Variants in DOCK3 observed in about 807,000 individuals in gnomAD.
DOCK3 encodes the protein dedicator of cytokinesis protein 3.
A neutral mutation model predicts 265.6 loss-of-function variants in DOCK3; 60 were observed. The observed-to-expected ratio is 0.23, with a 90% confidence interval of 0.18 to 0.28. The LOEUF is 0.28. Among genes scored for constraint, DOCK3 ranks in the 10% least tolerant of loss-of-function variants. The pLI, the probability that DOCK3 is intolerant of heterozygous loss-of-function variation, is 1.00. For missense variants in DOCK3, 1,981 were observed against 2,594.3 expected, an observed-to-expected ratio of 0.76 and a Z score of 5.14; for synonymous variants, 881 against 938.0, an observed-to-expected ratio of 0.94 and a Z score of 1.11.
intron 14 of DOCK3, among the ~76,000 whole-genome samples, chr3:51,224,736 A>ATT (rs56741807): frequency 2.1e-5 from 3 of 144,730 alleles, no homozygotes; most frequent in Non-Finnish European, 4.6e-5. Flanking sequence ...GCGTTTTACT[A>ATT]TTTTTTTTTT....
intron 25 of DOCK3, among the ~76,000 whole-genome samples, chr3:51,275,832 AAG>A (rs540825541): frequency 4.6e-5 from 7 of 152,314 alleles, no homozygotes; most frequent in East Asian, 3.9e-4. Flanking sequence ...GAGGTAGGGA[AAG>A]AGAGAAGGAA....
Position 51,147,027 on chromosome 3 carries a change from C to T in DOCK3, c.828+397C>T, listed in dbSNP as rs78942097. 4.5e-3 allele frequency among the ~76,000 whole-genome samples: 678 copies of T among 151,888 alleles called. 7 individuals carry two copies. Among genetic ancestry groups the T allele is most frequent in the African/African-American group, 0.015 (633 of 41,420 alleles). ...ACTTGGGGATGTGAGGCAAGAGGAC[C>T]GCCTGAGCCCAGGAGGTTGAAGCTG... On this transcript the variant is annotated intron_variant, in intron 10 of 52. Transcript: ENST00000266037.
chr3:51,151,114 G>A (rs1237404657), intron 10 of DOCK3, among the ~76,000 whole-genome samples: 1 of 151,852 alleles, frequency 6.6e-6, no homozygotes. Flanking sequence ...TGCCTTATCA[G>A]AGACTAGGAT....
chr3:51,354,739 G>C (rs2086246449), intron 40 of DOCK3, 143 bp from the exon 41 acceptor site: 1 of 1,269,900 alleles, frequency 7.9e-7, no homozygotes, highest in South Asian at 1.5e-5. Flanking sequence ...CTCCTTGAGT[G>C]CAATGCCCTG....
intron 32 of DOCK3, among the ~76,000 whole-genome samples, chr3:51,317,356 G>C (rs1474101227): frequency 6.6e-6 from 1 of 150,910 alleles, no homozygotes; most frequent in East Asian, 1.9e-4. Context: ...TGTATTCAAA[G>C]TTAGGAGGAG....
intron 5 of DOCK3, among the ~76,000 whole-genome samples, chr3:51,025,487 A>G (rs907653863): frequency 6.6e-6 from 1 of 152,024 alleles, no homozygotes; most frequent in Non-Finnish European, 1.5e-5. Flanking sequence ...GCCCCAGCCT[A>G]TAAGCTTCCC....
At chr3:50,918,249 C>A (rs532741631) in intron 4 of DOCK3, among the ~76,000 whole-genome samples, 6 of 152,240 alleles carry the variant, frequency 3.9e-5, no homozygotes, top group African/African-American at 1.2e-4. Context: ...TAGTAGCATG[C>A]TTTATAATCC....
intron 1 of DOCK3, among the ~76,000 whole-genome samples, chr3:50,747,370 T>C (rs2039513204): frequency 6.6e-6 from 1 of 152,322 alleles, no homozygotes; most frequent in African/African-American, 2.4e-5. Flanking sequence ...ATTGGGTTGA[T>C]TAAAATCTAT....
intron 1 of DOCK3, among the ~76,000 whole-genome samples, chr3:50,681,310 A>G (rs559760975): frequency 6.6e-6 from 1 of 152,282 alleles, no homozygotes; most frequent in Non-Finnish European, 1.5e-5. Flanking sequence ...TTCATAGCAT[A>G]TTTTTACATT....
intron 2 of DOCK3, among the ~76,000 whole-genome samples, chr3:50,814,440 T>G: frequency 6.6e-6 from 1 of 152,002 alleles, no homozygotes; most frequent in East Asian, 1.9e-4. Flanking sequence ...CTAATTTTTT[T>G]TTTTTGGTAG....
At chr3:50,932,929 G>C (rs958403767) in intron 4 of DOCK3, among the ~76,000 whole-genome samples, 1 of 152,176 alleles carries the variant, frequency 6.6e-6, no homozygotes, top group African/African-American at 2.4e-5. Context: ...ATAAAGAAGA[G>C]ATTTAATGGA....
intron 4 of DOCK3, among the ~76,000 whole-genome samples, chr3:50,894,675 A>G (rs1327453776): frequency 1.3e-5 from 2 of 152,172 alleles, no homozygotes; most frequent in Non-Finnish European, 2.9e-5. Context: ...TAGATGCACA[A>G]TATAAAATAT....
chr3:51,364,941 G>T (rs1296601648), intron 49 of DOCK3, among the ~76,000 whole-genome samples: 1 of 152,142 alleles, frequency 6.6e-6, no homozygotes, highest in Non-Finnish European at 1.5e-5. Flanking sequence ...TGTTCTTTTT[G>T]CTTAGGATTG....
At chr3:51,011,480 C>T (rs75776103) in intron 5 of DOCK3, among the ~76,000 whole-genome samples, 3,809 of 152,246 alleles carry the variant, frequency 0.025, 188 homozygotes, top group African/African-American at 0.087. Context: ...TCCATCAGGT[C>T]GTTTAAGGAT....
At chr3:50,922,299 C>A (rs1195263423) in intron 4 of DOCK3, among the ~76,000 whole-genome samples, 2 of 152,232 alleles carry the variant, frequency 1.3e-5, no homozygotes. Flanking sequence ...GCAGTTTGAT[C>A]TCAGACTGCT....
chr3:50,968,399 G>A (rs1171795780), intron 5 of DOCK3, among the ~76,000 whole-genome samples: 1 of 152,160 alleles, frequency 6.6e-6, no homozygotes, highest in Admixed American at 6.5e-5. Flanking sequence ...AGTGTGTAAG[G>A]TGAAGTCTGA....
intron 49 of DOCK3, among the ~76,000 whole-genome samples, chr3:51,364,411 G>C (rs1322954305): frequency 6.6e-6 from 1 of 152,152 alleles, no homozygotes; most frequent in Non-Finnish European, 1.5e-5. Context: ...TGGGTAGATT[G>C]TAAAAATATT....
chr3:50,957,550 C>T (rs1277124078), intron 5 of DOCK3, among the ~76,000 whole-genome samples: 1 of 152,194 alleles, frequency 6.6e-6, no homozygotes, highest in African/African-American at 2.4e-5. Context: ...ACAGTGCCAG[C>T]TTCTTTTTGT....
intron 9 of DOCK3, among the ~76,000 whole-genome samples, chr3:51,116,659 C>T (rs1228811589): frequency 6.6e-6 from 1 of 151,982 alleles, no homozygotes; most frequent in Non-Finnish European, 1.5e-5. Context: ...TTGTAGTTCT[C>T]CTTGTAGAGG....
Sources: gnomAD v4.1 joint callset for allele counts (sites outside exome capture counted in the v4.1 genomes callset) on GRCh38, gnomAD v4.1.1 for gene constraint, MANE v1.5 for transcripts, NCBI Gene and HGNC (gene_info 2026-07-23, HGNC 2026-07-21) for gene names.